The following LGI3 variants were observed in gnomAD, a reference collection of about 807,000 sequenced individuals.
LGI3 encodes leucine rich repeat LGI family member 3.
Under a neutral mutation model 55.4 loss-of-function variants are expected in LGI3, and 47 were observed. The observed-to-expected ratio is 0.85, with a 90% CI of 0.67 to 1.08. LGI3 has a LOEUF of 1.08. Among genes scored for constraint, LGI3 ranks in the 50% least tolerant of loss-of-function variants. The pLI, the probability that LGI3 is intolerant of heterozygous loss-of-function variation, is 0.00. For synonymous variants in LGI3, 326 were observed against 315.0 expected, an observed-to-expected ratio of 1.04 and a Z score of -0.37; for missense variants, 664 against 726.3, an observed-to-expected ratio of 0.91 and a Z score of 0.99.
intron 7 of LGI3, among the ~76,000 whole-genome samples, chr8:22,149,940 A>T (rs1827356411): frequency 6.6e-6 from 1 of 152,128 alleles, no homozygotes; most frequent in Admixed American, 6.5e-5. Flanking sequence ...ACAAGCACCT[A>T]AAACTCAGTC....
chr8:22,154,656 A>G (rs767280112), intron 2 of LGI3, 25 bp from the exon 3 acceptor site: 80 of 1,584,518 alleles, frequency 5.0e-5, no homozygotes, highest in Non-Finnish European at 7.8e-6. Context: ...GTGGAATTAG[A>G]GCTTCCAAGG....
chr8:22,151,517 C>A lies in LGI3; in HGVS notation c.801G>T (p.Arg267=), dbSNP rs375866189. 1.2e-6 allele frequency: 2 copies of A among 1,613,970 alleles called. No individual in the cohort carries two copies. The highest frequency in any genetic ancestry group is 2.7e-5 in the African/African-American group (2 of 74,930). The change falls in exon 7 of 8, where the codon CGG becomes CGT. Residue 267 remains arginine, a synonymous_variant. Coordinates refer to ENST00000306317, the MANE Select transcript of LGI3 (RefSeq NM_139278.4). ...CTILKWDYVE[R]QLRDYDRIPA... The stretch of plus-strand genomic sequence containing the variant: ...GGATTCTATCATAGTCTCGAAGCTG[C>A]CGCTCAACATAGTCCCACTTCAGGA...
intron 7 of LGI3, among the ~76,000 whole-genome samples, chr8:22,150,505 C>A (rs896718073): frequency 5.3e-5 from 8 of 151,822 alleles, no homozygotes; most frequent in Non-Finnish European, 8.8e-5. Context: ...ACTACAGGCA[C>A]CTGCCACCAC....
At chr8:22,154,412 C>T (rs1827459511) in intron 3 of LGI3, 148 bp downstream of exon 3, 3 of 813,906 alleles carry the variant, frequency 3.7e-6, no homozygotes, top group Non-Finnish European at 4.2e-6. Flanking sequence ...TGCTCAGGTC[C>T]TGCCATCACG....
At position 22,148,015 on chromosome 8, in the gene LGI3, C is replaced by G; in HGVS notation, c.*145G>C. 1 of 705,018 alleles carries G rather than the reference C, an allele frequency of 1.4e-6. No homozygotes were observed. The highest frequency in any genetic ancestry group is 2.4e-6 in the Non-Finnish European group (1 of 415,902). 43.7% of individuals were successfully genotyped at this position (705,018 alleles called of 1,614,324 possible). On this transcript the variant is annotated 3_prime_UTR_variant, in exon 8 of 8. Coordinates refer to ENST00000306317, the MANE Select transcript of LGI3 (RefSeq NM_139278.4). This position sits in a 1 kb window ranked among gnomAD's most constrained non-coding sequence, Gnocchi z 7.0. ...TCCTCCTGGGCCAGTCCACGGGGTGCGCCTGTACACACTGGGCGTGTGCGG... is the reference window on the plus strand; with the variant it reads ...TCCTCCTGGGCCAGTCCACGGGGTGGGCCTGTACACACTGGGCGTGTGCGG...
chr8:22,155,219 G>T, intron 2 of LGI3, 173 bp downstream of exon 2: 1 of 661,018 alleles, frequency 1.5e-6, no homozygotes, highest in Non-Finnish European at 2.7e-6. Context: ...CGACTCCCCT[G>T]ACTCAAGGCT....
Position 22,147,994 on chromosome 8 carries a change from C to G in LGI3, c.*166G>C, listed in dbSNP as rs1827327146. On this transcript the variant is annotated 3_prime_UTR_variant, in exon 8 of 8. Coordinates refer to ENST00000306317, the MANE Select transcript of LGI3 (RefSeq NM_139278.4). Reference sequence around the variant, plus strand: ...TGATTGCAGTGATGATGCACGTCCTCCTGGGCCAGTCCACGGGGTGCGCCT... The same window carrying G: ...TGATTGCAGTGATGATGCACGTCCTGCTGGGCCAGTCCACGGGGTGCGCCT... The G allele has an allele frequency of 1.6e-6, 1 of 631,338 alleles. No homozygotes were observed. Among genetic ancestry groups the G allele is most frequent in the Non-Finnish European group, 2.8e-6 (1 of 363,048 alleles). The allele number at this position is 631,338 out of a possible 1,614,324, so 39.1% of individuals were successfully genotyped here.
At chr8:22,153,334 CT>C (rs1211238969) in intron 5 of LGI3, among the ~76,000 whole-genome samples, 5 of 151,238 alleles carry the variant, frequency 3.3e-5, no homozygotes, top group African/African-American at 4.9e-5. Context: ...ATTCGCCCTC[CT>C]TGGCCTCCCA....
intron 7 of LGI3, among the ~76,000 whole-genome samples, chr8:22,151,118 C>T (rs1827371718): frequency 6.6e-6 from 1 of 152,158 alleles, no homozygotes; most frequent in Admixed American, 6.5e-5. Flanking sequence ...GTCTCCTCCT[C>T]ATTTCCCGGT....
chr8:22,156,411 A>G lies in LGI3; in HGVS notation c.132T>C (p.Ser44=). ...CGCAGAAGGCGGTGTCCCTGGTGCA[A>G]GAGCAGCTGGGCGGGCAGGGGGGCG... ...PKTPPCPPSC[S]CTRDTAFCVD... is the part of the protein sequence containing the mutation. The change falls in exon 1 of 8, where the codon TCT becomes TCC. Residue 44 remains serine (S), a synonymous_variant. Transcript: ENST00000306317. 2 of 1,596,248 alleles carry G rather than the reference A, an allele frequency of 1.3e-6. No homozygotes were observed. Among genetic ancestry groups the G allele is most frequent in the Non-Finnish European group, 1.7e-6 (2 of 1,172,800 alleles).
At chr8:22,152,362 T>G (rs1317027641) in intron 5 of LGI3, among the ~76,000 whole-genome samples, 1 of 152,210 alleles carries the variant, frequency 6.6e-6, no homozygotes, top group Non-Finnish European at 1.5e-5. Context: ...TGCTATATAC[T>G]ACTATATGCT....
rs1827512730 is a variant in LGI3, at chr8:22,156,693, G to A, written c.-151C>T. ...GCCTGCGGACTCCTCCTGCCCTCGG[G>A]CGCCGGCTGCGGTCCCCTCCCCTGC... On this transcript the variant is annotated 5_prime_UTR_variant, in exon 1 of 8. Transcript: ENST00000306317. 1 of 243,134 alleles carries A rather than the reference G, an allele frequency of 4.1e-6. No homozygotes were observed. 15.1% of individuals were successfully genotyped at this position (243,134 alleles called of 1,614,324 possible). A position where few individuals can be genotyped will look rare whatever the true frequency, so the allele number is the denominator to read the frequency against.
At position 22,156,621 on chromosome 8, in the gene LGI3, G is replaced by C. The variant is rs1296080222; in HGVS notation, c.-79C>G. On this transcript the variant is annotated 5_prime_UTR_variant, in exon 1 of 8. Transcript: ENST00000306317. Reference sequence around the variant, plus strand: ...CCCGCGGCTGGGCCACCCCGCGCGGGCTGGCACCTCCCTGCCACCGGCAGC... The same window carrying C: ...CCCGCGGCTGGGCCACCCCGCGCGGCCTGGCACCTCCCTGCCACCGGCAGC... 2.5e-6 allele frequency: 1 copy of C among 395,948 alleles called. No individual in the cohort carries two copies. The highest frequency in any genetic ancestry group is 3.9e-6 in the Non-Finnish European group (1 of 253,844). 24.5% of individuals were successfully genotyped at this position (395,948 alleles called of 1,614,324 possible). A position where few individuals can be genotyped will look rare whatever the true frequency, so the allele number is the denominator to read the frequency against.
Position 22,147,908 on chromosome 8 carries a change from C to G in LGI3, c.*252G>C. The G allele has an allele frequency of 2.0e-6, 1 of 490,888 alleles. No individual in the cohort carries two copies. The highest frequency in any genetic ancestry group is 2.7e-5 in the South Asian group (1 of 36,572). 30.4% of individuals were successfully genotyped at this position (490,888 alleles called of 1,614,324 possible). On this transcript the variant is annotated 3_prime_UTR_variant, in exon 8 of 8. Coordinates refer to ENST00000306317, the MANE Select transcript of LGI3 (RefSeq NM_139278.4). The stretch of plus-strand genomic sequence containing the variant: ...GGGAAAGGCTGCAGAGTAGGGGGGG[C>G]CTGCAGTTGGGGTCACGGGAACTGG...
At chr8:22,149,036 C>A (rs1827345621) in intron 7 of LGI3, 59 bp from the exon 8 acceptor site, 1 of 1,311,872 alleles carries the variant, frequency 7.6e-7, no homozygotes, top group Non-Finnish European at 1.0e-6. Flanking sequence ...CTCCATCCAA[C>A]CCCCTTGGAG....
rs1191444746 is a variant in LGI3 at position 22,150,987 on chromosome 8, G to A, written c.829+502C>T. ...AGTTACTGCACACCTCCTTGACTTC[G>A]TTCATGCTGTTCCCTCTGCCAAAAC... On this transcript the variant is annotated intron_variant, in intron 7 of 7. Coordinates refer to ENST00000306317, the MANE Select transcript of LGI3 (RefSeq NM_139278.4). 3.3e-5 allele frequency among the ~76,000 whole-genome samples: 5 copies of A among 151,744 alleles called. No homozygotes were observed. In the South Asian group the frequency reaches 1.0e-3, roughly 32 times the overall value.
intron 3 of LGI3, 169 bp downstream of exon 3, chr8:22,154,391 A>G (rs1366374148): frequency 6.0e-5 from 47 of 780,158 alleles, no homozygotes; most frequent in Non-Finnish European, 9.9e-5. Context: ...AAAATGAATG[A>G]AACGACCTTC....
rs765325212 is a variant in LGI3 at position 22,154,133 on chromosome 8, C to A, written c.422+9G>T. On this transcript the variant is annotated intron_variant, in intron 4 of 7. Coordinates refer to ENST00000306317, the MANE Select transcript of LGI3 (RefSeq NM_139278.4). ...TTTGGTGCAGTGTGTGTATGTGTGA[C>A]GTACTCACAGGTGAGTCAAGGACTT... is the stretch of plus-strand genomic sequence containing the variant. The A allele has an allele frequency of 4.3e-6, 7 of 1,612,044 alleles. No homozygotes were observed. The highest frequency in any genetic ancestry group is 5.9e-6 in the Non-Finnish European group (7 of 1,178,120).
Position 22,156,563 on chromosome 8 carries a change from G to A in LGI3, c.-21C>T. ...GCCATGCTGCCCGCGATCTCTCCCT[G>A]GGGCCGGCGGCCGCGGCCCCCGCCC... On this transcript the variant is annotated 5_prime_UTR_variant, in exon 1 of 8. Transcript: ENST00000306317. 9.6e-7 allele frequency: 1 copy of A among 1,045,342 alleles called. No homozygotes were observed. The highest frequency in any genetic ancestry group is 1.2e-6 in the Non-Finnish European group (1 of 815,564). 64.8% of individuals were successfully genotyped at this position (1,045,342 alleles called of 1,614,324 possible). A position where few individuals can be genotyped will look rare whatever the true frequency, so the allele number is the denominator to read the frequency against.
Sources: gnomAD v4.1 joint callset for allele counts (sites outside exome capture counted in the v4.1 genomes callset) on GRCh38, gnomAD v4.1.1 for gene constraint, Gnocchi (gnomAD v3.1) non-coding constraint, MANE v1.5 for transcripts, NCBI Gene and HGNC (gene_info 2026-07-23, HGNC 2026-07-21) for gene names.